Variants in DIP2C observed in about 807,000 individuals in gnomAD.
DIP2C encodes the protein disco-interacting protein 2 homolog C.
DIP2C carries 33 observed loss-of-function variants against 192.4 expected under a neutral mutation model. That is an observed-to-expected ratio of 0.17 (90% CI 0.13 to 0.23). The LOEUF is 0.23. Among genes scored for constraint, DIP2C ranks in the 10% least tolerant of loss-of-function variants. The pLI is 1.00. For missense variants in DIP2C, 1,537 were observed against 2,110.1 expected (o/e 0.73, Z 5.32); for synonymous variants, 979 against 864.1 (o/e 1.13, Z -2.33).
intron 22 of DIP2C, among the ~76,000 whole-genome samples, chr10:361,779 AGC>A (rs1959547723): frequency 6.6e-6 from 1 of 152,186 alleles, no homozygotes; most frequent in Non-Finnish European, 1.5e-5. Flanking sequence ...AGACAGAGGC[AGC>A]GTTTTCCACC....
chr10:475,952 A>T (rs1027100472), intron 2 of DIP2C, among the ~76,000 whole-genome samples: 2 of 152,210 alleles, frequency 1.3e-5, no homozygotes, highest in Non-Finnish European at 2.9e-5. Context: ...AAACATGAAC[A>T]ATCACTAAGA....
chr10:420,737 C>A (rs745690995), intron 5 of DIP2C, among the ~76,000 whole-genome samples: 10 of 152,182 alleles, frequency 6.6e-5, no homozygotes, highest in Non-Finnish European at 1.3e-4. Context: ...AAAAAATCCA[C>A]AAAGGACTTG....
rs540094672 is a variant in DIP2C at position 460,863 on chromosome 10, G to GA, written c.268+11575dup. On this transcript the variant is annotated intron_variant, in intron 3 of 36. Transcript: ENST00000280886. ...CAGACTAACAGCGGATCTCTCTGCA[G>GA]AAACCCGACATGCCAGAAGAGAGTG... Among the ~76,000 whole-genome samples, 4 of 152,342 alleles carry GA rather than the reference G, an allele frequency of 2.6e-5. No homozygotes were observed. In the South Asian group the frequency reaches 6.2e-4, roughly 24 times the overall value.
intron 1 of DIP2C, among the ~76,000 whole-genome samples, chr10:603,819 G>A (rs1039405564): frequency 9.2e-5 from 14 of 152,160 alleles, no homozygotes; most frequent in South Asian, 2.1e-4. Flanking sequence ...AAGTCAAGGG[G>A]TCAGTAGGCT....
chr10:305,536 A>C (rs1956276705), intron 32 of DIP2C, among the ~76,000 whole-genome samples: 1 of 152,228 alleles, frequency 6.6e-6, no homozygotes, highest in Non-Finnish European at 1.5e-5. Flanking sequence ...TTTTCTGGTA[A>C]TACCCTTTAG....
intron 2 of DIP2C, among the ~76,000 whole-genome samples, chr10:478,864 C>G (rs537857680): frequency 1.1e-4 from 17 of 152,148 alleles, no homozygotes; most frequent in Admixed American, 3.3e-4. Context: ...GTCTCTATGG[C>G]TCACCTTAGC....
intron 1 of DIP2C, among the ~76,000 whole-genome samples, chr10:527,627 T>A (rs951412341): frequency 6.6e-6 from 1 of 152,164 alleles, no homozygotes; most frequent in Admixed American, 6.5e-5. Flanking sequence ...GACACAGATA[T>A]AAAATCCAGT....
Position 341,466 on chromosome 10 carries a change from G to A in DIP2C, c.3454-137C>T, listed in dbSNP as rs1476972896. 2.4e-6 allele frequency: 3 copies of A among 1,273,000 alleles called. No individual in the cohort carries two copies. In the Admixed American group the frequency reaches 5.8e-5, roughly 24 times the overall value. The allele number at this position is 1,273,000 out of a possible 1,614,324, so 78.9% of individuals were successfully genotyped here. On this transcript the variant is annotated intron_variant, in intron 28 of 36. Coordinates refer to ENST00000280886, the MANE Select transcript of DIP2C (RefSeq NM_014974.3). Reference sequence around the variant, plus strand: ...CCCTCAGACACCCGGGACAATACGGGGCTGCACTGAACGCAAGGCTGTTTT... The same window carrying A: ...CCCTCAGACACCCGGGACAATACGGAGCTGCACTGAACGCAAGGCTGTTTT...
intron 10 of DIP2C, among the ~76,000 whole-genome samples, chr10:396,823 C>T (rs1013676755): frequency 1.4e-4 from 7 of 49,902 alleles, no homozygotes; most frequent in Non-Finnish European, 2.9e-4. Flanking sequence ...GCTGCAAATC[C>T]GGTGGGGGGG....
At chr10:660,650 G>A (rs1186220326) in intron 1 of DIP2C, among the ~76,000 whole-genome samples, 1 of 152,198 alleles carries the variant, frequency 6.6e-6, no homozygotes, top group Non-Finnish European at 1.5e-5. Context: ...GGCACAATGA[G>A]GACTTTTTCA....
At position 460,512 on chromosome 10, in the gene DIP2C, T is replaced by TA. The variant is rs199498201; in HGVS notation, c.268+11926dup. Among the ~76,000 whole-genome samples, 1,201 of 152,314 alleles carry TA rather than the reference T, an allele frequency of 7.9e-3. 14 individuals carry two copies. Among genetic ancestry groups the TA allele is most frequent in the African/African-American group, 0.027 (1,141 of 41,560 alleles). On this transcript the variant is annotated intron_variant, in intron 3 of 36. Coordinates refer to ENST00000280886, the MANE Select transcript of DIP2C (RefSeq NM_014974.3). ...ATGAGAAAATACATCCAGTAGAGGT[T>TA]AAATGGCTGAGTAGATTAATTATTA...
chr10:499,674 C>T (rs2133637901), intron 1 of DIP2C, among the ~76,000 whole-genome samples: 1 of 152,304 alleles, frequency 6.6e-6, no homozygotes. Flanking sequence ...GCGAGGACAG[C>T]ATAGGGGAAT....
intron 14 of DIP2C, among the ~76,000 whole-genome samples, chr10:386,998 A>C (rs1483511083): frequency 6.6e-6 from 1 of 152,144 alleles, no homozygotes; most frequent in Non-Finnish European, 1.5e-5. Context: ...GTTTCCCTAC[A>C]ACACACACAG....
chr10:639,876 T>A lies in DIP2C; in HGVS notation c.85+49618A>T, dbSNP rs575598451. Among the ~76,000 whole-genome samples, 29 of 152,348 alleles carry A rather than the reference T, an allele frequency of 1.9e-4. No individual in the cohort carries two copies. The East Asian group carries it at 4.6e-3, about 24-fold the overall frequency. On this transcript the variant is annotated intron_variant, in intron 1 of 36. Coordinates refer to ENST00000280886, the MANE Select transcript of DIP2C (RefSeq NM_014974.3). ...TCACAGCATTATCCATTGATGCTGC[T>A]TAAAGCGTATTTCCAGATGTCCCTC...
Position 363,437 on chromosome 10 carries a change from C to A in DIP2C, c.2478-126G>T. On this transcript the variant is annotated intron_variant, in intron 20 of 36. Coordinates refer to ENST00000280886, the MANE Select transcript of DIP2C (RefSeq NM_014974.3). This position sits in a 1 kb window ranked among gnomAD's most constrained non-coding sequence, Gnocchi z 5.4. Reference sequence around the variant, plus strand: ...GCTCCAACTACGACTTCAAAACGGCCGCTGTACTTCCGAATTTCCCCACAC... The same window carrying A: ...GCTCCAACTACGACTTCAAAACGGCAGCTGTACTTCCGAATTTCCCCACAC... 2.6e-6 allele frequency: 2 copies of A among 759,914 alleles called. No individual in the cohort carries two copies. The highest frequency in any genetic ancestry group is 1.7e-5 in the South Asian group (1 of 59,630). The allele number at this position is 759,914 out of a possible 1,614,324, so 47.1% of individuals were successfully genotyped here.
At chr10:297,388 G>T (rs1193076095) in intron 32 of DIP2C, among the ~76,000 whole-genome samples, 1 of 152,080 alleles carries the variant, frequency 6.6e-6, no homozygotes, top group Non-Finnish European at 1.5e-5. Context: ...TCTGTTTACT[G>T]CAGCCTGATT....
Position 413,913 on chromosome 10 carries a change from CGTAA to C in DIP2C, c.1053_1056del (p.Tyr352AlafsTer8). The C allele has an allele frequency of 6.2e-7, 1 of 1,613,552 alleles. No homozygotes were observed. Among genetic ancestry groups the C allele is most frequent in the Non-Finnish European group, 8.5e-7 (1 of 1,179,722 alleles). On this transcript the variant is annotated frameshift_variant and splice_region_variant, in exon 8 of 37. Transcript: ENST00000280886. LOFTEE classifies it high-confidence loss of function. Reference sequence around the variant, plus strand: ...GGCAGAGAGTGAGCCTGGGGATTACCGTAAGTGAGGATGTAGAGGGGCTTCCCGT... The same window carrying C: ...GGCAGAGAGTGAGCCTGGGGATTACCGTGAGGATGTAGAGGGGCTTCCCGT...
intron 10 of DIP2C, among the ~76,000 whole-genome samples, chr10:397,225 A>G (rs886658551): frequency 1.3e-5 from 2 of 152,134 alleles, no homozygotes; most frequent in African/African-American, 2.4e-5. Flanking sequence ...CACACTGTGC[A>G]CACATTAAAG....
intron 8 of DIP2C, among the ~76,000 whole-genome samples, chr10:409,227 C>CA (rs1965018585): frequency 6.7e-6 from 1 of 150,266 alleles, no homozygotes; most frequent in South Asian, 2.1e-4. Context: ...ATTCTAAAGA[C>CA]AAAACTTCAG....
Sources: allele counts gnomAD v4.1 joint callset (sites outside exome capture counted in the v4.1 genomes callset), GRCh38; gene constraint gnomAD v4.1.1; non-coding constraint Gnocchi (gnomAD v3.1); transcripts MANE v1.5; gene names NCBI Gene and HGNC (gene_info 2026-07-23, HGNC 2026-07-21).